The following FNIP2 variants were observed in gnomAD, a reference collection of about 807,000 sequenced individuals.
FNIP2 encodes folliculin interacting protein 2, also known as folliculin-interacting protein 2.
A neutral mutation model predicts 108.7 loss-of-function variants in FNIP2; 32 were observed. The ratio of observed to expected loss-of-function variants is 0.29; its 90% CI spans 0.22 to 0.40. The LOEUF is 0.40. Among genes scored for constraint, FNIP2 ranks in the 10% least tolerant of loss-of-function variants. The probability of loss-of-function intolerance (pLI) is 1.00; values close to 1 mark genes in which losing one functional copy is unlikely to be tolerated. For synonymous variants in FNIP2, 480 were observed against 496.7 expected, an observed-to-expected ratio of 0.97 and a Z score of 0.45; for missense variants, 1,202 against 1,381.6, an observed-to-expected ratio of 0.87 and a Z score of 2.06.
intron 1 of FNIP2, among the ~76,000 whole-genome samples, chr4:158,795,183 T>C (rs1776546596): frequency 6.6e-6 from 1 of 152,254 alleles, no homozygotes; most frequent in African/African-American, 2.4e-5. Context: ...CTATGTCACA[T>C]TGAGCCGTGG....
In FNIP2 at chr4:158,904,731, A is replaced by G; in HGVS notation, c.*187A>G. 2 of 581,594 alleles carry G rather than the reference A, an allele frequency of 3.4e-6. No individual in the cohort carries two copies. Among genetic ancestry groups the G allele is most frequent in the Admixed American group, 3.0e-5 (1 of 33,502 alleles). The allele number at this position is 581,594 out of a possible 1,614,324, so 36.0% of individuals were successfully genotyped here. A position where few individuals can be genotyped will look rare whatever the true frequency, so the allele number is the denominator to read the frequency against. On this transcript the variant is annotated 3_prime_UTR_variant, in exon 17 of 17. Coordinates refer to ENST00000264433, the MANE Select transcript of FNIP2 (RefSeq NM_020840.3). ...TTGAAGACTTAGGTTTACTTGACATAATAGCATTTGTGATTGTCGTGAACA... is the reference window on the plus strand; with the variant it reads ...TTGAAGACTTAGGTTTACTTGACATGATAGCATTTGTGATTGTCGTGAACA...
At chr4:158,797,172 TTGCATGAGAAACC>T (rs1200976719) in intron 1 of FNIP2, among the ~76,000 whole-genome samples, 1 of 152,216 alleles carries the variant, frequency 6.6e-6, no homozygotes, top group South Asian at 2.1e-4. Context: ...AATGAATGTA[TTGCATGAGAAACC>T]TTTAATTATA....
intron 7 of FNIP2, among the ~76,000 whole-genome samples, chr4:158,842,007 A>T (rs1007120121): frequency 1.3e-5 from 2 of 152,216 alleles, no homozygotes; most frequent in African/African-American, 4.8e-5. Flanking sequence ...TAACCATCGA[A>T]TCTTGGCCTT....
chr4:158,863,152 C>T (rs967750170), intron 12 of FNIP2, among the ~76,000 whole-genome samples: 4 of 152,156 alleles, frequency 2.6e-5, no homozygotes, highest in Admixed American at 6.5e-5. Context: ...GAGGAGGGGA[C>T]GAGGACGAGG....
chr4:158,902,817 A>G (rs1337941622), intron 16 of FNIP2, among the ~76,000 whole-genome samples: 3 of 152,086 alleles, frequency 2.0e-5, no homozygotes, highest in African/African-American at 7.2e-5. Flanking sequence ...AGTCTCAGCA[A>G]TGGTGGATGC....
chr4:158,874,299 C>T (rs1366820569), intron 14 of FNIP2, among the ~76,000 whole-genome samples: 1 of 152,036 alleles, frequency 6.6e-6, no homozygotes, highest in East Asian at 1.9e-4. Flanking sequence ...ATACTGTGAA[C>T]AGTACTTACA....
At chr4:158,850,701 G>A (rs2126649057) in intron 7 of FNIP2, among the ~76,000 whole-genome samples, 1 of 147,728 alleles carries the variant, frequency 6.8e-6, no homozygotes, top group Non-Finnish European at 1.5e-5. Context: ...ACTAGATGGG[G>A]AAAAAACTTA....
At chr4:158,830,001 A>T (rs11728711) in intron 3 of FNIP2, among the ~76,000 whole-genome samples, 46,019 of 151,994 alleles carry the variant, frequency 0.3, 7,588 homozygotes, top group Non-Finnish European at 0.38. Flanking sequence ...ACAGTGCTCC[A>T]GGGTCTCACA....
intron 1 of FNIP2, among the ~76,000 whole-genome samples, chr4:158,815,960 A>G (rs4131480): frequency 0.3 from 44,945 of 151,950 alleles, 7,323 homozygotes; most frequent in Non-Finnish European, 0.38. Context: ...CCTGCTGACA[A>G]TTTGTTTCCA....
intron 2 of FNIP2, among the ~76,000 whole-genome samples, 176 bp from the exon 3 acceptor site, chr4:158,828,903 C>T (rs1228603962): frequency 6.6e-6 from 1 of 152,130 alleles, no homozygotes; most frequent in East Asian, 1.9e-4. Flanking sequence ...AACCCTTCTT[C>T]AGCATTCTGC....
At chr4:158,882,859 C>CGGAA (rs1031652670) in intron 14 of FNIP2, among the ~76,000 whole-genome samples, 17 of 152,250 alleles carry the variant, frequency 1.1e-4, no homozygotes, top group African/African-American at 3.9e-4. Context: ...ACAAATACTG[C>CGGAA]GGAAGGCCGC....
At chr4:158,802,243 T>C (rs1578837763) in intron 1 of FNIP2, among the ~76,000 whole-genome samples, 1 of 152,134 alleles carries the variant, frequency 6.6e-6, no homozygotes. Flanking sequence ...TTATGGAAGA[T>C]AGGGAATTAC....
chr4:158,869,509 C>G (rs1203829951), intron 13 of FNIP2, 81 bp downstream of exon 13: 1 of 1,446,750 alleles, frequency 6.9e-7, no homozygotes, highest in East Asian at 2.5e-5. Flanking sequence ...TGTTGTTAGC[C>G]ACTACTATTG....
intron 15 of FNIP2, among the ~76,000 whole-genome samples, chr4:158,892,262 TGAGTAGTTGGACTAGA>T (rs1782326826): frequency 6.6e-6 from 1 of 151,674 alleles, no homozygotes; most frequent in Non-Finnish European, 1.5e-5. Context: ...CTCAGCCTCT[TGAGTAGTTGGACTAGA>T]GGCATGTGCC....
At chr4:158,877,535 T>C (rs1781352138) in intron 14 of FNIP2, among the ~76,000 whole-genome samples, 1 of 152,254 alleles carries the variant, frequency 6.6e-6, no homozygotes, top group African/African-American at 2.4e-5. Flanking sequence ...TTTAGAGTTA[T>C]GATAAGGCCA....
chr4:158,792,105 A>G (rs1256596708), intron 1 of FNIP2, among the ~76,000 whole-genome samples: 7 of 152,170 alleles, frequency 4.6e-5, no homozygotes, highest in Non-Finnish European at 1.0e-4. Flanking sequence ...CGCTGTCTCA[A>G]TACACACACA....
At position 158,868,788 on chromosome 4, in the gene FNIP2, A is replaced by G. The variant is rs1578944726; in HGVS notation, c.2152A>G (p.Thr718Ala). 2 of 1,613,674 alleles carry G rather than the reference A, an allele frequency of 1.2e-6. No homozygotes were observed. The highest frequency in any genetic ancestry group is 4.5e-5 in the East Asian group (2 of 44,870). ...GGAGAAACCTTCCTTAGAAAAGGTC[A>G]CTTTCCAGATTGGAAGCTTTGCATC... is the stretch of plus-strand genomic sequence containing the variant. ...LREKPSLEKV[T>A]FQIGSFASPE... Residue 718 changes from threonine to alanine, a missense_variant, in exon 13 of 17, where the codon ACT becomes GCT. Coordinates refer to ENST00000264433, the MANE Select transcript of FNIP2 (RefSeq NM_020840.3). The surrounding 1 kb of genome is among the most constrained non-coding windows in gnomAD (Gnocchi z 4.6).
At chr4:158,792,539 A>C (rs953255132) in intron 1 of FNIP2, among the ~76,000 whole-genome samples, 1 of 152,208 alleles carries the variant, frequency 6.6e-6, no homozygotes, top group Non-Finnish European at 1.5e-5. Context: ...GCTGTTGGCT[A>C]TGAGTTCAGC....
At chr4:158,902,960 C>G (rs967902776) in intron 16 of FNIP2, among the ~76,000 whole-genome samples, 16 of 152,330 alleles carry the variant, frequency 1.1e-4, no homozygotes, top group Middle Eastern at 3.4e-3. Flanking sequence ...CCACTCGGCT[C>G]CCTGGCTTCA....
Sources: gnomAD v4.1 joint callset for allele counts (sites outside exome capture counted in the v4.1 genomes callset) on GRCh38, gnomAD v4.1.1 for gene constraint, Gnocchi (gnomAD v3.1) non-coding constraint, MANE v1.5 for transcripts, NCBI Gene and HGNC (gene_info 2026-07-23, HGNC 2026-07-21) for gene names.